The following HDAC9 variants were observed in gnomAD, a reference collection of about 807,000 sequenced individuals.
The protein encoded by HDAC9 is MEF-2 interacting transcription repressor (MITR) protein.
HDAC9 carries 41 observed loss-of-function variants against 139.4 expected under a neutral mutation model. The observed-to-expected ratio is 0.29, with a 90% confidence interval of 0.23 to 0.38. The LOEUF (loss-of-function observed/expected upper bound fraction) is 0.38. Among genes scored for constraint, HDAC9 ranks in the 10% least tolerant of loss-of-function variants. The pLI is 1.00. For missense variants in HDAC9, 1,147 were observed against 1,297.0 expected (o/e 0.88, Z 1.78); for synonymous variants, 517 against 476.2 (o/e 1.09, Z -1.12).
At chr7:18,134,095 G>A (rs1584244380) in intron 1 of HDAC9, among the ~76,000 whole-genome samples, 3 of 151,776 alleles carry the variant, frequency 2.0e-5, no homozygotes, top group Admixed American at 2.0e-4. Flanking sequence ...CAACCATTGT[G>A]TGAATAACCT....
At chr7:18,972,734 A>G (rs1784325150) in intron 24 of HDAC9, among the ~76,000 whole-genome samples, 2 of 152,122 alleles carry the variant, frequency 1.3e-5, no homozygotes, top group African/African-American at 4.8e-5. Flanking sequence ...CAGTTTTATG[A>G]TAGCCTCAAT....
At chr7:18,137,569 G>A (rs1044294684) in intron 1 of HDAC9, among the ~76,000 whole-genome samples, 25 of 151,436 alleles carry the variant, frequency 1.7e-4, no homozygotes, top group Non-Finnish European at 1.3e-4. Flanking sequence ...TAATCATGTG[G>A]TTTTTGTCTT....
At chr7:18,988,273 C>T (rs746865552) in intron 25 of HDAC9, among the ~76,000 whole-genome samples, 26 of 151,950 alleles carry the variant, frequency 1.7e-4, no homozygotes, top group Non-Finnish European at 3.7e-4. Flanking sequence ...TCTTTGTTCT[C>T]GTTGGTTTCA....
intron 22 of HDAC9, among the ~76,000 whole-genome samples, chr7:18,929,503 A>G (rs1280762917): frequency 6.6e-6 from 1 of 152,064 alleles, no homozygotes; most frequent in Non-Finnish European, 1.5e-5. Flanking sequence ...TCTCATGCTT[A>G]TAATTTAATG....
intron 1 of HDAC9, among the ~76,000 whole-genome samples, chr7:18,476,010 T>C (rs1563025662): frequency 6.6e-6 from 1 of 152,196 alleles, no homozygotes. Context: ...AACCCAACTA[T>C]GTGTTTATAA....
intron 2 of HDAC9, among the ~76,000 whole-genome samples, chr7:18,277,169 C>A (rs543374804): frequency 6.8e-6 from 1 of 147,170 alleles, no homozygotes; most frequent in Non-Finnish European, 1.5e-5. Context: ...AGAGGAGACC[C>A]AAGTTTAGTG....
chr7:18,652,637 C>G (rs1010009334), intron 11 of HDAC9, among the ~76,000 whole-genome samples: 32 of 152,016 alleles, frequency 2.1e-4, no homozygotes, highest in African/African-American at 7.2e-4. Flanking sequence ...TTCTTTATTT[C>G]TCTGTTATAG....
chr7:18,444,455 T>C (rs921368446), intron 1 of HDAC9, among the ~76,000 whole-genome samples: 6 of 152,030 alleles, frequency 3.9e-5, no homozygotes, highest in Non-Finnish European at 7.4e-5. Flanking sequence ...TTACATATCT[T>C]GTAAATAAAA....
intron 24 of HDAC9, among the ~76,000 whole-genome samples, chr7:18,966,226 A>T (rs1783835640): frequency 6.6e-6 from 1 of 152,192 alleles, no homozygotes; most frequent in African/African-American, 2.4e-5. Flanking sequence ...TCCTTTTGTG[A>T]TATAACTAGC....
rs116683619 is a variant in HDAC9 at position 18,896,145 on chromosome 7, G to A, written c.2803+21549G>A. On this transcript the variant is annotated intron_variant, in intron 22 of 25. Coordinates refer to ENST00000686413, the MANE Select transcript of HDAC9 (RefSeq NM_178425.4). ...ATTTTATGAAATATGATCTGTTGACGTTTAAATGTAAATTTTATTTTCCAT... is the reference window on the plus strand; with the variant it reads ...ATTTTATGAAATATGATCTGTTGACATTTAAATGTAAATTTTATTTTCCAT... Among the ~76,000 whole-genome samples the A allele has an allele frequency of 3.6e-3, 550 of 152,008 alleles. 4 individuals carry two copies. The highest frequency in any genetic ancestry group is 9.2e-3 in the African/African-American group (381 of 41,500).
At chr7:18,514,373 G>A (rs1052160664) in intron 2 of HDAC9, among the ~76,000 whole-genome samples, 2 of 152,076 alleles carry the variant, frequency 1.3e-5, no homozygotes, top group African/African-American at 2.4e-5. Flanking sequence ...AAGTTGTATC[G>A]TTAGTGTTCA....
chr7:18,801,629 A>G (rs562105534), intron 17 of HDAC9, among the ~76,000 whole-genome samples: 7 of 152,182 alleles, frequency 4.6e-5, no homozygotes, highest in South Asian at 2.1e-4. Context: ...TCTCTACTTT[A>G]GAGTAATAGT....
At chr7:18,963,982 C>G (rs572682381) in intron 24 of HDAC9, among the ~76,000 whole-genome samples, 1 of 152,280 alleles carries the variant, frequency 6.6e-6, no homozygotes, top group Non-Finnish European at 1.5e-5. Flanking sequence ...TACCAACAAT[C>G]CTGCCCTTCA....
intron 13 of HDAC9, among the ~76,000 whole-genome samples, chr7:18,746,087 T>G (rs1274580335): frequency 6.6e-6 from 1 of 150,522 alleles, no homozygotes; most frequent in Non-Finnish European, 1.5e-5. Flanking sequence ...TTCAGGCTGG[T>G]TTCAAATTCC....
chr7:18,193,490 G>T (rs918490219), intron 2 of HDAC9, among the ~76,000 whole-genome samples: 1 of 152,102 alleles, frequency 6.6e-6, no homozygotes, highest in Non-Finnish European at 1.5e-5. Context: ...GTAAAAGGGG[G>T]TTTCGTTTGT....
chr7:18,485,714 A>G (rs1293888581), intron 1 of HDAC9, among the ~76,000 whole-genome samples: 1 of 152,100 alleles, frequency 6.6e-6, no homozygotes, highest in Non-Finnish European at 1.5e-5. Context: ...CTGTTTCTAA[A>G]TATTGAAGCT....
chr7:18,116,952 C>A (rs1426095530), intron 1 of HDAC9, among the ~76,000 whole-genome samples: 1 of 152,220 alleles, frequency 6.6e-6, no homozygotes, highest in Non-Finnish European at 1.5e-5. Context: ...GTTAAGTAGG[C>A]ATAGTTGCCT....
chr7:18,637,723 G>A (rs1784337124), intron 8 of HDAC9, among the ~76,000 whole-genome samples: 1 of 152,036 alleles, frequency 6.6e-6, no homozygotes, highest in African/African-American at 2.4e-5. Flanking sequence ...GCACTGATGA[G>A]TAGCCTCTCT....
chr7:18,129,343 G>C (rs1784864787), intron 1 of HDAC9, among the ~76,000 whole-genome samples: 1 of 151,972 alleles, frequency 6.6e-6, no homozygotes, highest in Non-Finnish European at 1.5e-5. Flanking sequence ...TTGTTATAAT[G>C]TGTCTTTCTC....
Sources: allele counts gnomAD v4.1 joint callset (sites outside exome capture counted in the v4.1 genomes callset), GRCh38; gene constraint gnomAD v4.1.1; transcripts MANE v1.5; gene names NCBI Gene and HGNC (gene_info 2026-07-23, HGNC 2026-07-21).